Variants in SLC9A9 observed in about 807,000 individuals in gnomAD.
The protein encoded by SLC9A9 is solute carrier family 9 member A9, also known as sodium/hydrogen exchanger 9.
SLC9A9 carries 62 observed loss-of-function variants against 77.8 expected under a neutral mutation model. That is an observed-to-expected ratio of 0.80 (90% confidence interval 0.65 to 0.98). The LOEUF is 0.98. SLC9A9 is among the 50% of genes least tolerant of loss of function. SLC9A9 has a pLI of 0.00. For missense variants in SLC9A9, 775 were observed against 774.9 expected (o/e 1.00, Z 0.00); for synonymous variants, 320 against 283.5 (o/e 1.13, Z -1.29).
intron 2 of SLC9A9, among the ~76,000 whole-genome samples, chr3:143,806,325 T>G (rs1357747966): frequency 6.6e-6 from 1 of 152,208 alleles, no homozygotes; most frequent in East Asian, 1.9e-4. Flanking sequence ...TGTTCTGTGA[T>G]TTTTAGCATT....
intron 13 of SLC9A9, among the ~76,000 whole-genome samples, chr3:143,379,486 A>T (rs1231668996): frequency 1.3e-5 from 2 of 152,228 alleles, no homozygotes; most frequent in Non-Finnish European, 2.9e-5. Context: ...CTGAAACGTA[A>T]GTTCTTTGGT....
At chr3:143,483,253 C>T (rs2035603010) in intron 11 of SLC9A9, among the ~76,000 whole-genome samples, 1 of 152,108 alleles carries the variant, frequency 6.6e-6, no homozygotes, top group Admixed American at 6.5e-5. Context: ...TCAGTGTGGA[C>T]CCTGATAGTC....
rs78436846 is a variant in SLC9A9 at position 143,330,042 on chromosome 3, T to G, written c.1604+33442A>C. ...GGCGCTATTCATGGAAAGTGGAATTTGGCCTGGCTGTGACCTCCCCCATGC... is the reference window on the plus strand; with the variant it reads ...GGCGCTATTCATGGAAAGTGGAATTGGGCCTGGCTGTGACCTCCCCCATGC... On this transcript the variant is annotated intron_variant, in intron 14 of 15. Transcript: ENST00000316549. Among the ~76,000 whole-genome samples the G allele has an allele frequency of 6.0e-3, 908 of 152,266 alleles. 21 individuals carry two copies. In the East Asian group the frequency reaches 0.079, roughly 13 times the overall value.
intron 9 of SLC9A9, among the ~76,000 whole-genome samples, chr3:143,550,701 A>T (rs1489917293): frequency 6.6e-6 from 1 of 152,166 alleles, no homozygotes; most frequent in Non-Finnish European, 1.5e-5. Context: ...CCCGATAAAA[A>T]TGGCTGAAGC....
At chr3:143,437,196 TCA>T (rs1318345557) in intron 12 of SLC9A9, among the ~76,000 whole-genome samples, 1 of 152,236 alleles carries the variant, frequency 6.6e-6, no homozygotes, top group Non-Finnish European at 1.5e-5. Flanking sequence ...AATGAATGAA[TCA>T]CAGACTGCAC....
chr3:143,452,158 C>T lies in SLC9A9; in HGVS notation c.1469+14879G>A, dbSNP rs559021501. On this transcript the variant is annotated intron_variant, in intron 12 of 15. Transcript: ENST00000316549. ...GATATTTATACTGTCCTTAAGTATC[C>T]TCCCACAGATTAAAAACTAATTACA... 1.5e-3 allele frequency among the ~76,000 whole-genome samples: 227 copies of T among 152,032 alleles called. 2 individuals carry two copies. The highest frequency in any genetic ancestry group is 2.4e-3 in the Non-Finnish European group (163 of 67,912).
intron 4 of SLC9A9, among the ~76,000 whole-genome samples, chr3:143,785,222 A>G (rs1362607837): frequency 3.3e-5 from 5 of 152,160 alleles, no homozygotes; most frequent in Non-Finnish European, 7.3e-5. Flanking sequence ...TGCCCTTGTG[A>G]TAATTTGACC....
chr3:143,503,515 T>G (rs180733519), intron 9 of SLC9A9: 48 of 381,900 alleles, frequency 1.3e-4, no homozygotes, highest in Admixed American at 8.1e-4. Flanking sequence ...GTCATCATAT[T>G]TGGCACAAGT....
intron 14 of SLC9A9, among the ~76,000 whole-genome samples, chr3:143,269,734 G>T (rs2108396388): frequency 6.6e-6 from 1 of 152,300 alleles, no homozygotes; most frequent in Non-Finnish European, 1.5e-5. Context: ...CATCAGAAAT[G>T]ACTTTTAAGC....
chr3:143,713,651 G>A (rs187976766), intron 4 of SLC9A9, among the ~76,000 whole-genome samples: 2 of 152,270 alleles, frequency 1.3e-5, no homozygotes, highest in East Asian at 1.9e-4. Context: ...AAGGGATATT[G>A]ATTTGTTCCA....
chr3:143,354,583 A>G (rs1179240511), intron 14 of SLC9A9, among the ~76,000 whole-genome samples: 1 of 152,232 alleles, frequency 6.6e-6, no homozygotes, highest in African/African-American at 2.4e-5. Flanking sequence ...CTGGTAGCTC[A>G]TGAGCTTGTT....
chr3:143,747,111 G>A (rs900703848), intron 4 of SLC9A9, among the ~76,000 whole-genome samples: 2 of 152,044 alleles, frequency 1.3e-5, no homozygotes, highest in African/African-American at 4.8e-5. Flanking sequence ...TATATAAAAT[G>A]AGGGACTGTG....
intron 4 of SLC9A9, among the ~76,000 whole-genome samples, chr3:143,757,431 C>G (rs970449884): frequency 6.6e-6 from 1 of 152,116 alleles, no homozygotes; most frequent in Non-Finnish European, 1.5e-5. Context: ...GTCAATGGCT[C>G]AATGGCCATT....
At chr3:143,689,790 C>T (rs905663377) in intron 5 of SLC9A9, among the ~76,000 whole-genome samples, 6 of 151,862 alleles carry the variant, frequency 4.0e-5, no homozygotes, top group South Asian at 2.1e-4. Flanking sequence ...GAACCATGTG[C>T]GTAGTAGCAT....
At chr3:143,394,381 G>A (rs1231782210) in intron 12 of SLC9A9, among the ~76,000 whole-genome samples, 1 of 152,112 alleles carries the variant, frequency 6.6e-6, no homozygotes, top group Non-Finnish European at 1.5e-5. Context: ...AAGCAGAAAA[G>A]GCCTTTGACA....
chr3:143,767,689 C>T (rs2007370994), intron 4 of SLC9A9, among the ~76,000 whole-genome samples: 1 of 152,134 alleles, frequency 6.6e-6, no homozygotes, highest in African/African-American at 2.4e-5. Context: ...GTTTGTCTAT[C>T]CTTTACAACA....
At chr3:143,743,379 A>G (rs553946539) in intron 4 of SLC9A9, among the ~76,000 whole-genome samples, 23 of 152,138 alleles carry the variant, frequency 1.5e-4, no homozygotes, top group Admixed American at 4.6e-4. Flanking sequence ...TGGAATGCCC[A>G]TATCACAGCT....
intron 11 of SLC9A9, among the ~76,000 whole-genome samples, chr3:143,473,274 G>C (rs976015691): frequency 2.0e-5 from 3 of 152,254 alleles, no homozygotes; most frequent in African/African-American, 7.2e-5. Flanking sequence ...CCTCAGAACA[G>C]CTTCCTCAAA....
At chr3:143,549,547 A>G (rs1436057245) in intron 9 of SLC9A9, among the ~76,000 whole-genome samples, 1 of 152,236 alleles carries the variant, frequency 6.6e-6, no homozygotes, top group Non-Finnish European at 1.5e-5. Flanking sequence ...AGATGGGGAT[A>G]TGCAGTTACC....
Sources: gnomAD v4.1 joint callset for allele counts (sites outside exome capture counted in the v4.1 genomes callset) on GRCh38, gnomAD v4.1.1 for gene constraint, MANE v1.5 for transcripts, NCBI Gene and HGNC (gene_info 2026-07-23, HGNC 2026-07-21) for gene names.